The following SLCO3A1 variants were observed in gnomAD, a reference collection of about 807,000 sequenced individuals.
SLCO3A1 encodes the protein PGE1 transporter.
Under a neutral mutation model 63.1 loss-of-function variants are expected in SLCO3A1, and 27 were observed. The observed-to-expected ratio is 0.43, with a 90% CI of 0.32 to 0.59. SLCO3A1 has a LOEUF of 0.59. Among genes scored for constraint, SLCO3A1 ranks in the 20% least tolerant of loss-of-function variants. The pLI, the probability that SLCO3A1 is intolerant of heterozygous loss-of-function variation, is 0.09. For synonymous variants in SLCO3A1, 473 were observed against 409.9 expected, an observed-to-expected ratio of 1.15 and a Z score of -1.86; for missense variants, 773 against 945.8, an observed-to-expected ratio of 0.82 and a Z score of 2.40.
chr15:92,093,343 C>T (rs1374500725), intron 2 of SLCO3A1, among the ~76,000 whole-genome samples: 1 of 152,138 alleles, frequency 6.6e-6, no homozygotes, highest in Admixed American at 6.5e-5. Context: ...AAGGGGAGGT[C>T]CCAGATTCCT....
At chr15:91,888,340 T>A (rs1897779454) in intron 1 of SLCO3A1, among the ~76,000 whole-genome samples, 1 of 152,182 alleles carries the variant, frequency 6.6e-6, no homozygotes, top group Admixed American at 6.5e-5. Context: ...ATCCTGAGCA[T>A]GTGTGTCTTG....
At chr15:92,069,006 G>A (rs1040630898) in intron 2 of SLCO3A1, among the ~76,000 whole-genome samples, 11 of 152,142 alleles carry the variant, frequency 7.2e-5, no homozygotes, top group South Asian at 2.1e-4. Flanking sequence ...TGTGCTGGGC[G>A]ATAGGGAGAC....
chr15:91,902,396 T>A (rs1459430417), intron 1 of SLCO3A1, among the ~76,000 whole-genome samples: 4 of 151,998 alleles, frequency 2.6e-5, no homozygotes, highest in African/African-American at 4.8e-5. Flanking sequence ...CGCTTAAGGA[T>A]CCCTATGGCT....
intron 2 of SLCO3A1, among the ~76,000 whole-genome samples, chr15:92,048,767 G>A (rs534438290): frequency 4.4e-4 from 67 of 152,202 alleles, no homozygotes; most frequent in African/African-American, 1.5e-3. Flanking sequence ...GGCTAGTGGC[G>A]GGCACCTGTA....
Position 92,047,593 on chromosome 15 carries a change from AATATATAATAT to A in SLCO3A1, c.647-47273_647-47263del, listed in dbSNP as rs2046902214. Reference sequence around the variant, plus strand: ...ATAAATATATATATAATATATATATAATATATAATATATATATAATATATAAATATATATAT... The same window carrying A: ...ATAAATATATATATAATATATATATAATATATAATATATAAATATATATAT... On this transcript the variant is annotated intron_variant, in intron 2 of 9. Coordinates refer to ENST00000318445, the MANE Select transcript of SLCO3A1 (RefSeq NM_013272.4). 3.2e-4 allele frequency among the ~76,000 whole-genome samples: 2 copies of A among 6,274 alleles called. 1 individual carries two copies. Among genetic ancestry groups the A allele is most frequent in the South Asian group, 0.013 (2 of 154 alleles). 4.1% of individuals were successfully genotyped at this position (6,274 alleles called of 152,430 possible). A position where few individuals can be genotyped will look rare whatever the true frequency, so the allele number is the denominator to read the frequency against.
At chr15:91,973,605 C>T (rs1900970263) in intron 2 of SLCO3A1, among the ~76,000 whole-genome samples, 1 of 152,186 alleles carries the variant, frequency 6.6e-6, no homozygotes, top group African/African-American at 2.4e-5. Flanking sequence ...GCTTCTCAAC[C>T]TGGGTGCTTT....
intron 7 of SLCO3A1, among the ~76,000 whole-genome samples, chr15:92,135,930 G>A (rs2048051667): frequency 6.6e-6 from 1 of 152,172 alleles, no homozygotes; most frequent in Non-Finnish European, 1.5e-5. Flanking sequence ...CTACTCAGGA[G>A]CTGAGGAGGG....
At chr15:92,145,956 A>C (rs1206845273) in intron 7 of SLCO3A1, among the ~76,000 whole-genome samples, 1 of 126,102 alleles carries the variant, frequency 7.9e-6, no homozygotes, top group East Asian at 2.5e-4. Flanking sequence ...GTGGGATCAG[A>C]AAACCCTATC....
intron 2 of SLCO3A1, among the ~76,000 whole-genome samples, chr15:92,001,163 T>C (rs1267409932): frequency 8.3e-6 from 1 of 120,262 alleles, no homozygotes; most frequent in Non-Finnish European, 1.6e-5. Context: ...CCATTTTCTC[T>C]AAATAAGCAG....
chr15:92,091,631 C>T (rs1567114789), intron 2 of SLCO3A1, among the ~76,000 whole-genome samples: 1 of 152,302 alleles, frequency 6.6e-6, no homozygotes. Context: ...GCCCCTCCCA[C>T]GTCCCACCAC....
chr15:91,976,217 C>T (rs950943218), intron 2 of SLCO3A1, among the ~76,000 whole-genome samples: 4 of 152,068 alleles, frequency 2.6e-5, no homozygotes, highest in Non-Finnish European at 5.9e-5. Flanking sequence ...AGCAAAGAAA[C>T]TCTATACACA....
At chr15:91,973,451 G>A (rs1449821043) in intron 2 of SLCO3A1, among the ~76,000 whole-genome samples, 4 of 152,212 alleles carry the variant, frequency 2.6e-5, no homozygotes, top group African/African-American at 9.6e-5. Context: ...TCTTTAGTTG[G>A]TGGCTGACTG....
chr15:92,101,849 C>T (rs1383435037), intron 3 of SLCO3A1, among the ~76,000 whole-genome samples: 1 of 152,112 alleles, frequency 6.6e-6, no homozygotes, highest in Admixed American at 6.6e-5. Context: ...ACACAGGTGA[C>T]GTGCCCTTCC....
At chr15:91,857,508 T>G (rs1025832427) in intron 1 of SLCO3A1, among the ~76,000 whole-genome samples, 4 of 151,614 alleles carry the variant, frequency 2.6e-5, no homozygotes, top group African/African-American at 9.8e-5. Flanking sequence ...GAACAGAGAA[T>G]GCAATTTAAT....
chr15:92,165,440 A>C lies in SLCO3A1; in HGVS notation c.*2305A>C. 1.0e-6 allele frequency: 1 copy of C among 985,230 alleles called. No individual in the cohort carries two copies. The highest frequency in any genetic ancestry group is 1.2e-6 in the Non-Finnish European group (1 of 829,788). 61.0% of individuals were successfully genotyped at this position (985,230 alleles called of 1,614,324 possible). A position where few individuals can be genotyped will look rare whatever the true frequency, so the allele number is the denominator to read the frequency against. On this transcript the variant is annotated 3_prime_UTR_variant, in exon 10 of 10. Transcript: ENST00000318445. ...CTTATAGATTATTGCTTGGCCCTTC[A>C]AACTCAGTACACACACACTGAGGCC...
At chr15:92,045,987 C>G (rs1467000488) in intron 2 of SLCO3A1, among the ~76,000 whole-genome samples, 1 of 152,080 alleles carries the variant, frequency 6.6e-6, no homozygotes, top group Non-Finnish European at 1.5e-5. Context: ...TGGGCAAGCT[C>G]TAAGTGTTAA....
intron 2 of SLCO3A1, among the ~76,000 whole-genome samples, chr15:92,007,477 G>A (rs147955726): frequency 1.1e-3 from 168 of 152,296 alleles, no homozygotes; most frequent in Middle Eastern, 0.01. Flanking sequence ...GTTGTTTTGG[G>A]GGAGAACAGA....
chr15:91,946,649 A>G (rs529914199), intron 2 of SLCO3A1, among the ~76,000 whole-genome samples: 26 of 152,342 alleles, frequency 1.7e-4, no homozygotes, highest in African/African-American at 4.8e-4. Context: ...TGAGTGTGCA[A>G]TGCACTTAAG....
chr15:91,939,436 G>A (rs554799344), intron 2 of SLCO3A1, among the ~76,000 whole-genome samples: 4 of 152,120 alleles, frequency 2.6e-5, no homozygotes, highest in African/African-American at 4.8e-5. Context: ...TCATATAGGC[G>A]CTATAGCAGA....
Sources: allele counts gnomAD v4.1 joint callset (sites outside exome capture counted in the v4.1 genomes callset), GRCh38; gene constraint gnomAD v4.1.1; transcripts MANE v1.5; gene names NCBI Gene and HGNC (gene_info 2026-07-23, HGNC 2026-07-21).